The following CSMD3 variants were observed in gnomAD, a reference collection of about 807,000 sequenced individuals.
CSMD3 encodes CUB and sushi domain-containing protein 3.
In CSMD3, 177 loss-of-function variants were observed where a neutral mutation model predicts 435.2. The observed-to-expected ratio is 0.41, with a 90% CI of 0.36 to 0.46. The LOEUF is 0.46. CSMD3 is among the 20% of genes least tolerant of loss of function. The probability of loss-of-function intolerance (pLI) is 0.34; values close to 1 mark genes in which losing one functional copy is unlikely to be tolerated. For missense variants in CSMD3, 4,265 were observed against 4,504.6 expected (o/e 0.95, Z 1.52); for synonymous variants, 1,656 against 1,520.5 (o/e 1.09, Z -2.07).
chr8:113,093,886 C>A (rs889846300), intron 5 of CSMD3, among the ~76,000 whole-genome samples: 2 of 152,040 alleles, frequency 1.3e-5, no homozygotes, highest in African/African-American at 4.8e-5. Flanking sequence ...AACCTGCATG[C>A]CATGTTTTCA....
chr8:113,021,612 T>C (rs1243742072), intron 5 of CSMD3, among the ~76,000 whole-genome samples: 3 of 151,816 alleles, frequency 2.0e-5, no homozygotes, highest in African/African-American at 7.3e-5. Flanking sequence ...CATTAAGAAA[T>C]GCGAGAAAAG....
At chr8:113,271,699 C>A (rs992211747) in intron 3 of CSMD3, among the ~76,000 whole-genome samples, 2 of 152,126 alleles carry the variant, frequency 1.3e-5, no homozygotes, top group Admixed American at 6.5e-5. Context: ...GGGATTGGAG[C>A]CCTCACACAG....
chr8:112,260,861 T>C (rs1816318252), intron 61 of CSMD3, among the ~76,000 whole-genome samples: 3 of 152,132 alleles, frequency 2.0e-5, no homozygotes, highest in African/African-American at 4.8e-5. Context: ...GAACAGTATA[T>C]ACTATTTGGG....
intron 42 of CSMD3, 74 bp downstream of exon 42, chr8:112,341,403 A>C: frequency 9.8e-7 from 1 of 1,015,480 alleles, no homozygotes; most frequent in Non-Finnish European, 1.5e-6. Context: ...ACAGAAAATA[A>C]TTAGACTCAG....
intron 23 of CSMD3, among the ~76,000 whole-genome samples, chr8:112,585,673 T>A (rs891929981): frequency 6.6e-6 from 1 of 151,708 alleles, no homozygotes; most frequent in Admixed American, 6.6e-5. Context: ...GGTAGAACAA[T>A]AATAGGCATG....
chr8:112,286,952 G>A, intron 58 of CSMD3, 112 bp downstream of exon 58: 5 of 844,822 alleles, frequency 5.9e-6, no homozygotes, highest in Non-Finnish European at 1.0e-5. Flanking sequence ...TTATTTCATA[G>A]TTGCAGGCAG....
intron 3 of CSMD3, among the ~76,000 whole-genome samples, chr8:113,186,605 T>C (rs2131959152): frequency 6.6e-6 from 1 of 152,112 alleles, no homozygotes; most frequent in African/African-American, 2.4e-5. Context: ...GATTGTCCCC[T>C]CCTTGCCTTC....
chr8:113,260,790 T>C (rs935489722), intron 3 of CSMD3, among the ~76,000 whole-genome samples: 3 of 152,102 alleles, frequency 2.0e-5, no homozygotes, highest in Non-Finnish European at 4.4e-5. Flanking sequence ...GTGTTCTCAT[T>C]TTCAACTCCC....
chr8:113,177,473 A>T (rs942992969), intron 3 of CSMD3, among the ~76,000 whole-genome samples: 1 of 151,992 alleles, frequency 6.6e-6, no homozygotes, highest in African/African-American at 2.4e-5. Flanking sequence ...TAATATATTG[A>T]TTAAGAGGTT....
At chr8:112,734,947 C>T (rs1034546918) in intron 13 of CSMD3, among the ~76,000 whole-genome samples, 6 of 151,878 alleles carry the variant, frequency 4.0e-5, no homozygotes, top group African/African-American at 1.4e-4. Context: ...GGAAAGGTGC[C>T]CCCATTTGTA....
rs765019866 is a variant in CSMD3 at position 112,408,980 on chromosome 8, C to T, written c.5448G>A (p.Glu1816=). Residue 1816 remains glutamate (E), a synonymous_variant, in exon 33 of 71, where the codon GAG becomes GAA. Transcript: ENST00000297405. ...FFQTSLHDVV[E]VYDGPTQQSS... ...ATTGCTGAGTTGGCCCATCATACACCTCAACAACATCGTGGAGTGATGTCT... is the reference window on the plus strand; with the variant it reads ...ATTGCTGAGTTGGCCCATCATACACTTCAACAACATCGTGGAGTGATGTCT... 6.2e-7 allele frequency: 1 copy of T among 1,613,566 alleles called. No individual in the cohort carries two copies. The highest frequency in any genetic ancestry group is 1.1e-5 in the South Asian group (1 of 91,062).
chr8:113,371,978 C>T (rs1276184420), intron 1 of CSMD3, among the ~76,000 whole-genome samples: 1 of 152,102 alleles, frequency 6.6e-6, no homozygotes. Flanking sequence ...AGATTTTAGA[C>T]TTACATGAGT....
intron 27 of CSMD3, among the ~76,000 whole-genome samples, chr8:112,535,620 C>G (rs1825996855): frequency 6.6e-6 from 1 of 151,902 alleles, no homozygotes; most frequent in East Asian, 1.9e-4. Context: ...AGATTCAATG[C>G]CATCCCCATC....
intron 38 of CSMD3, among the ~76,000 whole-genome samples, chr8:112,372,429 G>A (rs963797596): frequency 1.3e-5 from 2 of 152,190 alleles, no homozygotes; most frequent in African/African-American, 2.4e-5. Context: ...AAAGGGTTGA[G>A]TGGAAGGAAC....
At chr8:113,193,840 A>C (rs895229900) in intron 3 of CSMD3, among the ~76,000 whole-genome samples, 4 of 151,384 alleles carry the variant, frequency 2.6e-5, no homozygotes, top group Non-Finnish European at 4.4e-5. Context: ...CTTGTTTATG[A>C]ATAAGTATGA....
At chr8:112,673,915 G>T (rs1185450589) in intron 16 of CSMD3, among the ~76,000 whole-genome samples, 1 of 151,992 alleles carries the variant, frequency 6.6e-6, no homozygotes, top group Non-Finnish European at 1.5e-5. Flanking sequence ...ACATTCTAAA[G>T]TTGGTGAAGC....
intron 13 of CSMD3, among the ~76,000 whole-genome samples, chr8:112,699,798 A>G (rs1172855907): frequency 6.6e-6 from 1 of 152,214 alleles, no homozygotes; most frequent in Non-Finnish European, 1.5e-5. Flanking sequence ...ATTGAGGGAT[A>G]TATCACAAAA....
At chr8:112,898,431 A>G (rs896243261) in intron 10 of CSMD3, among the ~76,000 whole-genome samples, 1 of 151,316 alleles carries the variant, frequency 6.6e-6, no homozygotes, top group African/African-American at 2.4e-5. Flanking sequence ...ACTTGGGCAT[A>G]AAAGACTTTT....
At chr8:112,567,565 G>A (rs1460969442) in intron 24 of CSMD3, among the ~76,000 whole-genome samples, 1 of 152,136 alleles carries the variant, frequency 6.6e-6, no homozygotes, top group Non-Finnish European at 1.5e-5. Flanking sequence ...AATTTCAATA[G>A]AAGAGTAAAA....
Sources: allele counts gnomAD v4.1 joint callset (sites outside exome capture counted in the v4.1 genomes callset), GRCh38; gene constraint gnomAD v4.1.1; transcripts MANE v1.5; gene names NCBI Gene and HGNC (gene_info 2026-07-23, HGNC 2026-07-21).